DCTN1: variants seen among roughly 807,000 people sequenced by gnomAD.
The protein encoded by DCTN1 is 150 kDa dynein-associated polypeptide.
In DCTN1, 61 loss-of-function variants were observed where a neutral mutation model predicts 161.2. The ratio of observed to expected loss-of-function variants is 0.38; its 90% confidence interval spans 0.31 to 0.47. The LOEUF (loss-of-function observed/expected upper bound fraction) is 0.47. DCTN1 is among the 20% of genes least tolerant of loss of function. DCTN1 has a pLI of 0.99. For missense variants in DCTN1, 1,404 were observed against 1,623.7 expected (o/e 0.86, Z 2.33); for synonymous variants, 653 against 632.4 (o/e 1.03, Z -0.49).
At chr2:74,384,740 CTT>C (rs1345167592), upstream of DCTN1, among the ~76,000 whole-genome samples, 1 of 152,224 alleles carries the variant, frequency 6.6e-6, no homozygotes, top group Non-Finnish European at 1.5e-5. Flanking sequence ...TTGATCTCCT[CTT>C]GTCTCACCTT....
At position 74,361,605 on chromosome 2, in the gene DCTN1, T is replaced by C. The variant is rs752422008; in HGVS notation, c.3731A>G (p.Tyr1244Cys). The change falls in exon 32 of 32, where the codon TAC (tyrosine) becomes TGC (cysteine). Residue 1244 changes from tyrosine (Y) to cysteine (C), a missense_variant. By Grantham distance (194) the Tyr-to-Cys change is radical. This residue lies in a region of DCTN1 where 311 missense variants were observed against 298.9 expected (regional missense o/e 1.04). Transcript: ENST00000628224. ...ACATGAGAAGGTCACTTTGCCCATG[T>C]AGACTGTGTCATCCTGCTGCTCCTC... Reference protein sequence around the residue: ...AKEEQQDDTVYMGKVTFSCAA... With the variant: ...AKEEQQDDTVCMGKVTFSCAA... The C allele has an allele frequency of 8.7e-6, 14 of 1,614,146 alleles. No individual in the cohort carries two copies. Among genetic ancestry groups the C allele is most frequent in the African/African-American group, 1.3e-5 (1 of 75,024 alleles).
chr2:74,391,616 G>A, intron 1 of DCTN1: 1 of 357,750 alleles, frequency 2.8e-6, no homozygotes, highest in Non-Finnish European at 5.5e-6. Flanking sequence ...AAGAGCTGAG[G>A]TGGGTCAGAC....
intron 7 of DCTN1, 188 bp from the exon 8 acceptor site, chr2:74,371,916 G>A (rs574755454): frequency 3.3e-6 from 2 of 598,356 alleles, no homozygotes; most frequent in African/African-American, 1.9e-5. Context: ...GAGAGGCAGA[G>A]AGAGATAGTG....
At position 74,362,555 on chromosome 2, in the gene DCTN1, G is replaced by A. The variant is rs1464703640; in HGVS notation, c.3609+95C>T. 6 of 1,337,770 alleles carry A rather than the reference G, an allele frequency of 4.5e-6. No individual in the cohort carries two copies. In the African/African-American group the frequency reaches 5.8e-5, roughly 13 times the overall value. The allele number at this position is 1,337,770 out of a possible 1,614,324, so 82.9% of individuals were successfully genotyped here. On this transcript the variant is annotated intron_variant, in intron 30 of 31. Coordinates refer to ENST00000628224, the MANE Select transcript of DCTN1 (RefSeq NM_004082.5). ...CCCTTCCATCTCCTCCCCAATTGCTGTCTAGCACAGGGCTGGGCTCAGAGG... is the reference window on the plus strand; with the variant it reads ...CCCTTCCATCTCCTCCCCAATTGCTATCTAGCACAGGGCTGGGCTCAGAGG...
rs779419156 is a variant in DCTN1 at position 74,370,351 on chromosome 2, G to A, written c.1128-6C>T. On this transcript the variant is annotated splice_region_variant and splice_polypyrimidine_tract_variant and intron_variant, in intron 11 of 31. Coordinates refer to ENST00000628224, the MANE Select transcript of DCTN1 (RefSeq NM_004082.5). This position sits in a 1 kb window ranked among gnomAD's most constrained non-coding sequence, Gnocchi z 4.4. ...AGGAAGAAAGATCCCGCATCCTGCAGGGATGTGAGGAAGGCAGAAGGAGGA... is the reference window on the plus strand; with the variant it reads ...AGGAAGAAAGATCCCGCATCCTGCAAGGATGTGAGGAAGGCAGAAGGAGGA... The A allele has an allele frequency of 2.5e-6, 4 of 1,613,918 alleles. No individual in the cohort carries two copies. The highest frequency in any genetic ancestry group is 3.3e-5 in the Admixed American group (2 of 60,012).
At chr2:74,372,543 C>T (rs371173608) in intron 7 of DCTN1, among the ~76,000 whole-genome samples, 24 of 152,214 alleles carry the variant, frequency 1.6e-4, no homozygotes, top group South Asian at 6.2e-4. Flanking sequence ...CCTCAGACAT[C>T]CCCACCCAAG....
intron 1 of DCTN1, chr2:74,385,592 C>T (rs1675692065): frequency 6.6e-6 from 1 of 152,238 alleles, no homozygotes; most frequent in African/African-American, 2.4e-5. Context: ...CGGCCACTCC[C>T]CAAAAGCAGA....
intron 26 of DCTN1, 105 bp downstream of exon 26, chr2:74,364,970 G>A (rs932819320): frequency 3.5e-6 from 5 of 1,421,110 alleles, no homozygotes; most frequent in Non-Finnish European, 5.0e-6. Context: ...GTTCCTGGCT[G>A]AATACCCGGG....
intron 5 of DCTN1, 23 bp from the exon 6 acceptor site, chr2:74,374,363 CAAAGAAAGCAAGGA>C: frequency 6.2e-7 from 1 of 1,612,714 alleles, no homozygotes; most frequent in South Asian, 1.1e-5. Context: ...TGCAGAAAAC[CAAAGAAAGCAAGGA>C]GAGGAAAGAG....
intron 1 of DCTN1, among the ~76,000 whole-genome samples, chr2:74,389,645 C>T (rs921652418): frequency 6.6e-6 from 1 of 152,184 alleles, no homozygotes; most frequent in Non-Finnish European, 1.5e-5. Flanking sequence ...TTTCCTTTCT[C>T]CTCCATTATC....
rs371393698 is a variant in DCTN1 at position 74,363,636 on chromosome 2, C to A, written c.3197-8G>T. On this transcript the variant is annotated splice_polypyrimidine_tract_variant and splice_region_variant and intron_variant, in intron 26 of 31. Coordinates refer to ENST00000628224, the MANE Select transcript of DCTN1 (RefSeq NM_004082.5). ...TACCTCGCTGCTGTTCTTCTGTGCT[C>A]GGGATAGCCCATGGGGGAGCAGGAA... The A allele has an allele frequency of 1.9e-6, 3 of 1,613,584 alleles. No individual in the cohort carries two copies. In the South Asian group the frequency reaches 3.3e-5, roughly 18 times the overall value.
Position 74,374,308 on chromosome 2 carries a change from A to G in DCTN1, c.432+15T>C. The G allele has an allele frequency of 6.2e-7, 1 of 1,611,700 alleles. No individual in the cohort carries two copies. The highest frequency in any genetic ancestry group is 1.1e-5 in the South Asian group (1 of 90,992). ...CCTGGCAACCCAGCAGCAGGACGAG[A>G]GCAAGCAAGAGTACCTTTCGGGCTG... On this transcript the variant is annotated intron_variant, in intron 6 of 31. Transcript: ENST00000628224.
At chr2:74,377,502 TATAGAGAGGTAGGGGGAG>T in intron 3 of DCTN1, 36 bp from the exon 4 acceptor site, 1 of 1,593,028 alleles carries the variant, frequency 6.3e-7, no homozygotes, top group Non-Finnish European at 8.6e-7. Flanking sequence ...TGTGTACTTG[TATAGAGAGGTAGGGGGAG>T]ATATAATAAG....
At position 74,363,123 on chromosome 2, in the gene DCTN1, G is replaced by C. The variant is rs764422437; in HGVS notation, c.3400C>G (p.Leu1134Val). Residue 1134 changes from leucine to valine, a missense_variant, in exon 29 of 32, where the codon CTA becomes GTA. Leu to Val is a conservative substitution (Grantham distance 32). This residue lies in a region of DCTN1 where 311 missense variants were observed against 298.9 expected (regional missense o/e 1.04). Coordinates refer to ENST00000628224, the MANE Select transcript of DCTN1 (RefSeq NM_004082.5). ...TCACTGCCAGGGCCCTCATGGGATA[G>C]CTTTGCAACATGCAGAGGGGGCAGG... ...ASLPPLHVAK[L>V]SHEGPGSELP... 2 of 1,613,964 alleles carry C rather than the reference G, an allele frequency of 1.2e-6. No individual in the cohort carries two copies. The highest frequency in any genetic ancestry group is 2.2e-5 in the East Asian group (1 of 44,894).
Position 74,361,329 on chromosome 2 carries a change from C to G in DCTN1, c.*170G>C, listed in dbSNP as rs1270919372. On this transcript the variant is annotated 3_prime_UTR_variant, in exon 32 of 32. Transcript: ENST00000628224. ...AGGCCAGGGAATGGGAGTGGGGGAA[C>G]CCGGGTCAAGGTGAAGGGGCAGGAC... is the stretch of plus-strand genomic sequence containing the variant. 1.1e-6 allele frequency: 1 copy of G among 947,126 alleles called. No individual in the cohort carries two copies. Among genetic ancestry groups the G allele is most frequent in the East Asian group, 2.6e-5 (1 of 37,928 alleles). The allele number at this position is 947,126 out of a possible 1,614,324, so 58.7% of individuals were successfully genotyped here. A position where few individuals can be genotyped will look rare whatever the true frequency, so the allele number is the denominator to read the frequency against.
chr2:74,365,417 C>A lies in DCTN1; in HGVS notation c.3029+98G>T, dbSNP rs889150679. The A allele has an allele frequency of 2.5e-6, 4 of 1,587,598 alleles. No individual in the cohort carries two copies. In the African/African-American group the frequency reaches 5.4e-5, roughly 21 times the overall value. The stretch of plus-strand genomic sequence containing the variant: ...AGTGGGTAAAGAAAATGGGGAGTCT[C>A]ACTATAAGAGAACCTGAGTAGGGGT... On this transcript the variant is annotated intron_variant, in intron 25 of 31. Coordinates refer to ENST00000628224, the MANE Select transcript of DCTN1 (RefSeq NM_004082.5).
At chr2:74,368,164 A>C (rs1045895005) in intron 16 of DCTN1, 33 bp from the exon 17 acceptor site, 59 of 1,560,356 alleles carry the variant, frequency 3.8e-5, no homozygotes, top group Non-Finnish European at 4.8e-5. Flanking sequence ...CCTGGGCCTC[A>C]GAGCAGAGGA....
At chr2:74,375,299 T>C (rs1352708817) in intron 5 of DCTN1, among the ~76,000 whole-genome samples, 1 of 152,222 alleles carries the variant, frequency 6.6e-6, no homozygotes, top group Non-Finnish European at 1.5e-5. Context: ...CATCTGAGTT[T>C]TCTTCTGCCT....
chr2:74,361,725 G>A lies in DCTN1; in HGVS notation c.3700-89C>T, dbSNP rs898055223. ...AGGGGTCCCTGAGCACTGAGACCAA[G>A]GCAGCTCCTGGGTGACTAGGGCTTC... is the stretch of plus-strand genomic sequence containing the variant. On this transcript the variant is annotated intron_variant, in intron 31 of 31. Transcript: ENST00000628224. 7.1e-6 allele frequency: 11 copies of A among 1,556,414 alleles called. No homozygotes were observed. The African/African-American group carries it at 1.2e-4, about 17-fold the overall frequency.
Sources: allele counts gnomAD v4.1 joint callset (sites outside exome capture counted in the v4.1 genomes callset), GRCh38; gene constraint gnomAD v4.1.1; regional missense constraint gnomAD v4.1.1; non-coding constraint Gnocchi (gnomAD v3.1); transcripts MANE v1.5; gene names NCBI Gene and HGNC (gene_info 2026-07-23, HGNC 2026-07-21).